RORA: variants seen among roughly 807,000 people sequenced by gnomAD.
RORA encodes the protein RAR related orphan receptor A.
RORA carries 7 observed loss-of-function variants against 69.5 expected under a neutral mutation model. The observed-to-expected ratio is 0.10, with a 90% CI of 0.06 to 0.19. The LOEUF is 0.19. Ranked by LOEUF, RORA falls within the 10% of genes least tolerant of loss-of-function variation. RORA has a pLI of 1.00. For missense variants in RORA, 457 were observed against 663.0 expected (o/e 0.69, Z 3.41); for synonymous variants, 261 against 240.8 (o/e 1.08, Z -0.78).
chr15:60,532,826 T>G (rs894195812), intron 2 of RORA, among the ~76,000 whole-genome samples: 6 of 152,228 alleles, frequency 3.9e-5, no homozygotes, highest in African/African-American at 1.4e-4. Context: ...AAATTCATTT[T>G]CCATGGTTTT....
rs116878954 is a variant in RORA, at chr15:60,532,767, A to G, written c.197-916T>C. On this transcript the variant is annotated intron_variant, in intron 2 of 10. Transcript: ENST00000335670. ...AATAAAGACCAATGCTGAGCTGTATAGACAGGATGGGAACAGTCACCAGTT... is the reference window on the plus strand; with the variant it reads ...AATAAAGACCAATGCTGAGCTGTATGGACAGGATGGGAACAGTCACCAGTT... Among the ~76,000 whole-genome samples the G allele has an allele frequency of 3.6e-3, 553 of 152,350 alleles. 1 individual carries two copies. Among genetic ancestry groups the G allele is most frequent in the Non-Finnish European group, 4.8e-3 (325 of 68,020 alleles).
intron 1 of RORA, among the ~76,000 whole-genome samples, chr15:60,808,690 A>G (rs967171792): frequency 1.3e-5 from 2 of 149,350 alleles, no homozygotes; most frequent in East Asian, 3.9e-4. Flanking sequence ...AAACATATAT[A>G]TGTTATATAT....
intron 1 of RORA, among the ~76,000 whole-genome samples, chr15:61,082,165 C>T (rs1595962351): frequency 6.6e-6 from 1 of 152,182 alleles, no homozygotes; most frequent in African/African-American, 2.4e-5. Flanking sequence ...GGTCCACTTA[C>T]ACACGGCAGT....
rs2065193996 is a variant in RORA, at chr15:60,497,379, A to G, written c.*76T>C. On this transcript the variant is annotated 3_prime_UTR_variant, in exon 11 of 11. Transcript: ENST00000335670. ...TCCAGGTCTGTGCAGGGCCATATAA[A>G]GTGTCTCGGTTAATTTTTTTGTTTG... is the stretch of plus-strand genomic sequence containing the variant. The G allele has an allele frequency of 7.4e-7, 1 of 1,353,964 alleles. No individual in the cohort carries two copies. The allele number at this position is 1,353,964 out of a possible 1,614,324, so 83.9% of individuals were successfully genotyped here. A position where few individuals can be genotyped will look rare whatever the true frequency, so the allele number is the denominator to read the frequency against.
At chr15:60,709,529 A>G (rs1438725185) in intron 1 of RORA, among the ~76,000 whole-genome samples, 1 of 151,966 alleles carries the variant, frequency 6.6e-6, no homozygotes, top group Non-Finnish European at 1.5e-5. Flanking sequence ...CAGCATTTCC[A>G]CCTGAGCTCC....
intron 1 of RORA, among the ~76,000 whole-genome samples, chr15:60,870,298 A>G (rs1595779897): frequency 6.6e-6 from 1 of 152,202 alleles, no homozygotes; most frequent in African/African-American, 2.4e-5. Context: ...TTATCCTATG[A>G]GGGGGAATTA....
At chr15:60,938,134 T>C (rs1052768990) in intron 1 of RORA, among the ~76,000 whole-genome samples, 2 of 152,168 alleles carry the variant, frequency 1.3e-5, no homozygotes, top group African/African-American at 4.8e-5. Flanking sequence ...AAATTGATTT[T>C]TGAGGGCCAA....
At position 60,640,617 on chromosome 15, in the gene RORA, T is replaced by TTCTATAAAATTTTTTTTTTCC. The variant is rs2069926546; in HGVS notation, c.196+38019_196+38039dup. On this transcript the variant is annotated intron_variant, in intron 2 of 10. Transcript: ENST00000335670. ...GACTCCACTTGCTACTGCTTTTTTC[T>TTCTATAAAATTTTTTTTTTCC]TCTATAAAATTTTTTTTTTCCGGTT... Among the ~76,000 whole-genome samples the TTCTATAAAATTTTTTTTTTCC allele has an allele frequency of 7.9e-5, 12 of 152,266 alleles. No homozygotes were observed. The South Asian group carries it at 1.5e-3, about 18-fold the overall frequency.
At chr15:60,539,916 T>C (rs139620047) in intron 2 of RORA, among the ~76,000 whole-genome samples, 14 of 152,300 alleles carry the variant, frequency 9.2e-5, no homozygotes, top group Non-Finnish European at 1.5e-4. Flanking sequence ...TATAAAGTCC[T>C]TGAAGATTTT....
intron 1 of RORA, among the ~76,000 whole-genome samples, chr15:61,021,147 C>A (rs551431781): frequency 2.6e-5 from 4 of 152,202 alleles, no homozygotes; most frequent in East Asian, 3.9e-4. Flanking sequence ...ACGCTGGGGA[C>A]GGGAGAGGCC....
chr15:61,149,950 C>A (rs543873359), intron 1 of RORA, among the ~76,000 whole-genome samples: 57 of 152,242 alleles, frequency 3.7e-4, no homozygotes, highest in African/African-American at 1.3e-3. Flanking sequence ...ACTCTGAGTC[C>A]AATGGCAAAC....
In RORA at chr15:60,540,574, C is replaced by CCCCGCCG. The variant is rs1555428642; in HGVS notation, c.197-8724_197-8723insCGGCGGG. On this transcript the variant is annotated intron_variant, in intron 2 of 10. Transcript: ENST00000335670. The stretch of plus-strand genomic sequence containing the variant: ...TGCACAATTTCCATGACCCCCCCCC[C>CCCCGCCG]CCAAAACTGTGCGGTCACAAAACCC... Among the ~76,000 whole-genome samples the CCCCGCCG allele has an allele frequency of 1.7e-3, 175 of 102,660 alleles. 13 individuals are homozygous for CCCCGCCG. Among genetic ancestry groups the CCCCGCCG allele is most frequent in the East Asian group, 8.7e-3 (37 of 4,246 alleles). 67.3% of individuals were successfully genotyped at this position (102,660 alleles called of 152,430 possible).
intron 1 of RORA, among the ~76,000 whole-genome samples, chr15:60,929,544 T>G (rs1481110359): frequency 6.6e-6 from 1 of 152,230 alleles, no homozygotes; most frequent in South Asian, 2.1e-4. Flanking sequence ...TTTTTACTAC[T>G]TGATGGAAGA....
intron 1 of RORA, among the ~76,000 whole-genome samples, chr15:60,937,457 CA>C (rs1170495279): frequency 6.6e-6 from 1 of 152,154 alleles, no homozygotes; most frequent in Non-Finnish European, 1.5e-5. Context: ...CAAGAGTTAC[CA>C]AACAGCACAG....
chr15:61,014,329 G>T (rs940188759), intron 1 of RORA, among the ~76,000 whole-genome samples: 5 of 152,208 alleles, frequency 3.3e-5, no homozygotes, highest in African/African-American at 1.2e-4. Context: ...CACATAGTAG[G>T]TCCTTAGACA....
intron 6 of RORA, among the ~76,000 whole-genome samples, chr15:60,505,236 A>C (rs975860925): frequency 6.6e-5 from 10 of 152,206 alleles, no homozygotes; most frequent in Non-Finnish European, 1.0e-4. Flanking sequence ...AGACTTTTGG[A>C]AGCTGCTTAA....
chr15:60,693,364 G>A (rs1296286472), intron 1 of RORA, among the ~76,000 whole-genome samples: 1 of 152,174 alleles, frequency 6.6e-6, no homozygotes, highest in Non-Finnish European at 1.5e-5. Context: ...GCAAAAGCTG[G>A]AAGCATTCCC....
intron 1 of RORA, among the ~76,000 whole-genome samples, chr15:61,138,334 G>A (rs2079264192): frequency 2.0e-5 from 3 of 152,116 alleles, no homozygotes; most frequent in African/African-American, 7.2e-5. Flanking sequence ...GACTCACATA[G>A]ACGTGGGATG....
chr15:60,592,808 C>A, intron 2 of RORA: 1 of 609,292 alleles, frequency 1.6e-6, no homozygotes, highest in Non-Finnish European at 2.7e-6. Context: ...TCGGGATCAC[C>A]TGTGGCCGCC....
Sources: allele counts gnomAD v4.1 joint callset (sites outside exome capture counted in the v4.1 genomes callset), GRCh38; gene constraint gnomAD v4.1.1; transcripts MANE v1.5; gene names NCBI Gene and HGNC (gene_info 2026-07-23, HGNC 2026-07-21).